The following SUN1 variants were observed in gnomAD, a reference collection of about 807,000 sequenced individuals.
SUN1 encodes the protein SUN domain-containing protein 1.
Under a neutral mutation model 103.2 loss-of-function variants are expected in SUN1, and 61 were observed. That is an observed-to-expected ratio of 0.59 (90% CI 0.48 to 0.73). The LOEUF (loss-of-function observed/expected upper bound fraction) is 0.73. Among genes scored for constraint, SUN1 ranks in the 30% least tolerant of loss-of-function variants. The pLI is 0.00. For missense variants in SUN1, 1,052 were observed against 1,034.6 expected (o/e 1.02, Z -0.23); for synonymous variants, 490 against 425.7 (o/e 1.15, Z -1.86).
At chr7:818,038 TCTTA>T (rs1246230647) in intron 1 of SUN1, among the ~76,000 whole-genome samples, 3 of 152,204 alleles carry the variant, frequency 2.0e-5, no homozygotes, top group African/African-American at 7.2e-5. Flanking sequence ...TGTAATATGT[TCTTA>T]CTTCATAAAT....
intron 1 of SUN1, chr7:817,414 C>T (rs2128108470): frequency 6.5e-7 from 1 of 1,535,750 alleles, no homozygotes; most frequent in East Asian, 2.4e-5. Flanking sequence ...GTGTCTGGTG[C>T]AAAATAAGCA....
At position 838,939 on chromosome 7, in the gene SUN1, C is replaced by A. The variant is rs765163799; in HGVS notation, c.219C>A (p.Ala73=). 1.2e-6 allele frequency: 2 copies of A among 1,609,192 alleles called. No individual in the cohort carries two copies. The highest frequency in any genetic ancestry group is 1.7e-6 in the Non-Finnish European group (2 of 1,178,488). Residue 73 remains alanine (A), a synonymous_variant, in exon 2 of 19, where the codon GCC becomes GCA. Transcript: ENST00000401592. ...TGGGGGATGGTGAGGCTGTGGGTGC[C>A]GACAGCGGCACCAGCAGCGCTGTCT... The part of the protein sequence containing the change: ...CTLGDGEAVG[A]DSGTSSAVSL...
rs965986968 is a variant in SUN1, at chr7:853,353, ACT to A, written c.1054-53_1054-52del. On this transcript the variant is annotated intron_variant, in intron 9 of 18. Coordinates refer to ENST00000401592, the MANE Select transcript of SUN1 (RefSeq NM_001130965.3). Reference sequence around the variant, plus strand: ...AGGACACTGTTTGGAGGTTTAACTGACTCTGTGCTCATGCTTGTTTGACTACC... The same window carrying A: ...AGGACACTGTTTGGAGGTTTAACTGACTGTGCTCATGCTTGTTTGACTACC... 1.2e-5 allele frequency: 19 copies of A among 1,595,828 alleles called. No individual in the cohort carries two copies. In the African/African-American group the frequency reaches 2.5e-4, roughly 21 times the overall value.
intron 5 of SUN1, among the ~76,000 whole-genome samples, chr7:845,584 T>C (rs553552274): frequency 1.1e-4 from 16 of 152,308 alleles, no homozygotes; most frequent in East Asian, 9.6e-4. Flanking sequence ...TGCATACTTA[T>C]AGTCAGATTG....
intron 1 of SUN1, among the ~76,000 whole-genome samples, chr7:827,400 A>G (rs1292560103): frequency 6.6e-6 from 1 of 151,414 alleles, no homozygotes; most frequent in African/African-American, 2.4e-5. Flanking sequence ...TTATTACTAG[A>G]TTAGTACAGA....
chr7:852,517 A>G (rs989099546), intron 7 of SUN1, 92 bp from the exon 8 acceptor site: 5 of 1,513,408 alleles, frequency 3.3e-6, no homozygotes, highest in African/African-American at 2.8e-5. Context: ...GGGGGGGTGG[A>G]TTTTGCACAA....
At chr7:846,821 T>C (rs1346273286) in intron 5 of SUN1, among the ~76,000 whole-genome samples, 1 of 151,986 alleles carries the variant, frequency 6.6e-6, no homozygotes, top group African/African-American at 2.4e-5. Flanking sequence ...GAGACCAGCC[T>C]GGGCAACACA....
At chr7:833,112 T>A (rs1799460545) in intron 1 of SUN1, 1 of 153,226 alleles carries the variant, frequency 6.5e-6, no homozygotes, top group South Asian at 2.0e-4. Context: ...GCCCTGCCCC[T>A]TCTGCTTTCA....
chr7:866,624 A>G (rs1585228528), intron 16 of SUN1, among the ~76,000 whole-genome samples: 1 of 76,626 alleles, frequency 1.3e-5, no homozygotes, highest in South Asian at 5.7e-4. Context: ...TCTCCCCACC[A>G]TCTCCCCGGG....
chr7:844,908 G>T (rs1352250104), intron 5 of SUN1, among the ~76,000 whole-genome samples: 1 of 152,166 alleles, frequency 6.6e-6, no homozygotes, highest in Non-Finnish European at 1.5e-5. Context: ...GCACCCCAGG[G>T]CCCCGGGGGT....
At chr7:822,068 G>A (rs1035787427) in intron 1 of SUN1, among the ~76,000 whole-genome samples, 5 of 152,186 alleles carry the variant, frequency 3.3e-5, no homozygotes, top group Non-Finnish European at 7.3e-5. Context: ...TATAGATAGA[G>A]GAGACCAGGC....
At chr7:863,660 C>T (rs556080614) in intron 15 of SUN1, among the ~76,000 whole-genome samples, 1 of 152,328 alleles carries the variant, frequency 6.6e-6, no homozygotes, top group Admixed American at 6.5e-5. Flanking sequence ...ATCCTCACAG[C>T]CCCAGCCTTT....
intron 1 of SUN1, among the ~76,000 whole-genome samples, chr7:822,828 G>A (rs1427020402): frequency 2.0e-5 from 3 of 152,216 alleles, no homozygotes; most frequent in Admixed American, 1.3e-4. Context: ...TGAACATGCC[G>A]GGAGGAAGAA....
intron 5 of SUN1, chr7:849,489 GTTCC>G (rs1562677125): frequency 7.4e-7 from 1 of 1,343,904 alleles, no homozygotes. Context: ...GCGTCGGTGA[GTTCC>G]CTAAGCCTCT....
chr7:815,692 G>C (rs1433838205), upstream of SUN1, among the ~76,000 whole-genome samples: 1 of 152,236 alleles, frequency 6.6e-6, no homozygotes, highest in Admixed American at 6.5e-5. Flanking sequence ...TCCCCAGCAC[G>C]GAGAAGAGAA....
chr7:834,384 C>T (rs1405170685), intron 1 of SUN1, among the ~76,000 whole-genome samples: 1 of 152,102 alleles, frequency 6.6e-6, no homozygotes, highest in South Asian at 2.1e-4. Context: ...TGGATCAGGA[C>T]CAGAGGGAAG....
chr7:817,507 G>A, intron 1 of SUN1: 1 of 1,536,052 alleles, frequency 6.5e-7, no homozygotes. Context: ...CAGGTGGGCG[G>A]TGCGGTCCGA....
intron 7 of SUN1, chr7:852,311 C>T: frequency 1.7e-6 from 1 of 595,456 alleles, no homozygotes; most frequent in Non-Finnish European, 2.9e-6. Context: ...AGGCTTCTGC[C>T]CTGCTGCAGT....
chr7:872,864 G>A lies in SUN1; in HGVS notation c.2241+302G>A, dbSNP rs369428278. Reference sequence around the variant, plus strand: ...AGCACTTTGCGGGGCCGAGGCAGGCGGATCACGAGGTCAGGAGTTCGAGAC... The same window carrying A: ...AGCACTTTGCGGGGCCGAGGCAGGCAGATCACGAGGTCAGGAGTTCGAGAC... On this transcript the variant is annotated intron_variant, in intron 18 of 18. Transcript: ENST00000401592. Among the ~76,000 whole-genome samples the A allele has an allele frequency of 5.3e-5, 8 of 152,310 alleles. No individual in the cohort carries two copies. The East Asian group carries it at 5.8e-4, about 11-fold the overall frequency.
Sources: allele counts gnomAD v4.1 joint callset (sites outside exome capture counted in the v4.1 genomes callset), GRCh38; gene constraint gnomAD v4.1.1; transcripts MANE v1.5; gene names NCBI Gene and HGNC (gene_info 2026-07-23, HGNC 2026-07-21).